Variants in FOXJ2 observed in about 807,000 individuals in gnomAD.
FOXJ2 encodes the protein forkhead box protein J2.
A neutral mutation model predicts 68.4 loss-of-function variants in FOXJ2; 18 were observed. The observed-to-expected ratio is 0.26, with a 90% confidence interval of 0.18 to 0.39. The LOEUF (loss-of-function observed/expected upper bound fraction) is 0.39. FOXJ2 is among the 10% of genes least tolerant of loss of function. FOXJ2 has a pLI of 1.00. For missense variants in FOXJ2, 670 were observed against 726.5 expected, an observed-to-expected ratio of 0.92 and a Z score of 0.89; for synonymous variants, 274 against 263.2, an observed-to-expected ratio of 1.04 and a Z score of -0.40.
chr12:8,044,655 A>G lies in FOXJ2; in HGVS notation c.619-105A>G, dbSNP rs1947009932. On this transcript the variant is annotated intron_variant, in intron 5 of 10. Coordinates refer to ENST00000162391, the MANE Select transcript of FOXJ2 (RefSeq NM_018416.3). The stretch of plus-strand genomic sequence containing the variant: ...AATGATGCTGGGTCATTGAAGAGCT[A>G]GGCGAGGATGAAGAGGACAGACAGG... 3 of 1,124,362 alleles carry G rather than the reference A, an allele frequency of 2.7e-6. No individual in the cohort carries two copies. In the East Asian group the frequency reaches 7.1e-5, roughly 26 times the overall value. 69.6% of individuals were successfully genotyped at this position (1,124,362 alleles called of 1,614,324 possible).
At position 8,044,950 on chromosome 12, in the gene FOXJ2, C is replaced by G. The variant is rs140318415; in HGVS notation, c.809C>G (p.Ser270Cys). 7.4e-5 allele frequency: 120 copies of G among 1,614,096 alleles called. No homozygotes were observed. The highest frequency in any genetic ancestry group is 9.7e-5 in the Non-Finnish European group (115 of 1,180,026). The change falls in exon 6 of 11, where the codon TCT becomes TGT. Residue 270 changes from serine (S) to cysteine (C), a missense_variant. This residue lies in a region of FOXJ2 where 555 missense variants were observed against 562.2 expected (regional missense o/e 0.99). Coordinates refer to ENST00000162391, the MANE Select transcript of FOXJ2 (RefSeq NM_018416.3). The part of the protein sequence containing the change: ...KSMLEKSSSS[S>C]QHGFSSLLGD... The stretch of plus-strand genomic sequence containing the variant: ...ATGCTGGAGAAGTCCTCTTCCTCCT[C>G]TCAGCACGGTGAGTCTGGAGTTGGG...
In FOXJ2 at chr12:8,048,778, T is replaced by C. The variant is rs1947075664; in HGVS notation, c.1307T>C (p.Ile436Thr). 5.0e-6 allele frequency: 8 copies of C among 1,613,942 alleles called. No homozygotes were observed. Among genetic ancestry groups the C allele is most frequent in the Non-Finnish European group, 5.9e-6 (7 of 1,180,020 alleles). The change falls in exon 8 of 11, where the codon ATT (isoleucine) becomes ACT (threonine). Residue 436 changes from isoleucine to threonine, a missense_variant. Coordinates refer to ENST00000162391, the MANE Select transcript of FOXJ2 (RefSeq NM_018416.3). The stretch of plus-strand genomic sequence containing the variant: ...GTGAATCGGCTCAATTGGTCCAGCA[T>C]TGAGCAGTCACAATTCTCAGGTTAG... ...KMVNRLNWSS[I>T]EQSQFSELME...
intron 1 of FOXJ2, among the ~76,000 whole-genome samples, chr12:8,039,269 A>T (rs940702994): frequency 6.6e-6 from 1 of 151,958 alleles, no homozygotes; most frequent in Non-Finnish European, 1.5e-5. Context: ...GTGTGGGATA[A>T]AAAGGGCAAG....
Position 8,044,962 on chromosome 12 carries a change from A to G in FOXJ2, c.817+4A>G, listed in dbSNP as rs1448768745. Reference sequence around the variant, plus strand: ...TCCTCTTCCTCCTCTCAGCACGGTGAGTCTGGAGTTGGGATGGGTGCAGGG... The same window carrying G: ...TCCTCTTCCTCCTCTCAGCACGGTGGGTCTGGAGTTGGGATGGGTGCAGGG... On this transcript the variant is annotated splice_donor_region_variant and intron_variant, in intron 6 of 10. Coordinates refer to ENST00000162391, the MANE Select transcript of FOXJ2 (RefSeq NM_018416.3). The G allele has an allele frequency of 1.2e-6, 2 of 1,614,024 alleles. No homozygotes were observed. The highest frequency in any genetic ancestry group is 1.7e-6 in the Non-Finnish European group (2 of 1,179,986).
At position 8,039,758 on chromosome 12, in the gene FOXJ2, CA is replaced by C. The variant is rs1439247646; in HGVS notation, c.-14-57del. 1.5e-5 allele frequency: 21 copies of C among 1,393,402 alleles called. 1 individual carries two copies. The highest frequency in any genetic ancestry group is 1.8e-4 in the Middle Eastern group (1 of 5,416). 86.3% of individuals were successfully genotyped at this position (1,393,402 alleles called of 1,614,324 possible). ...AGGAAGAAACTCTACTTCCCTCAAA[CA>C]AAAGGATTTGAGTATTACTTGCCCC... On this transcript the variant is annotated intron_variant, in intron 1 of 10. Transcript: ENST00000162391.
At chr12:8,051,776 A>G (rs746881968) in intron 10 of FOXJ2, among the ~76,000 whole-genome samples, 5 of 152,300 alleles carry the variant, frequency 3.3e-5, no homozygotes, top group African/African-American at 7.2e-5. Context: ...CGTGTTTTCA[A>G]TTTTGGGGGT....
Position 8,044,055 on chromosome 12 carries a change from A to G in FOXJ2, c.582A>G (p.Ser194=). 1 of 1,573,046 alleles carries G rather than the reference A, an allele frequency of 6.4e-7. No individual in the cohort carries two copies. The highest frequency in any genetic ancestry group is 1.2e-5 in the South Asian group (1 of 84,442). ...SLPPEGNPQM[S]LQSPTSIASY... Reference sequence around the variant, plus strand: ...CTCCTGAGGGGAATCCGCAGATGTCACTTCAGAGCCCCACATCTATAGCCA... The same window carrying G: ...CTCCTGAGGGGAATCCGCAGATGTCGCTTCAGAGCCCCACATCTATAGCCA... Residue 194 remains serine, a synonymous_variant, in exon 5 of 11, where the codon TCA becomes TCG. Transcript: ENST00000162391.
chr12:8,052,160 G>A (rs905614097), intron 10 of FOXJ2, among the ~76,000 whole-genome samples: 3 of 151,950 alleles, frequency 2.0e-5, no homozygotes, highest in South Asian at 2.1e-4. Context: ...GAGCCACCAC[G>A]CCCAGCCATA....
chr12:8,043,229 A>G (rs1946988758), intron 3 of FOXJ2, among the ~76,000 whole-genome samples: 1 of 151,736 alleles, frequency 6.6e-6, no homozygotes. Flanking sequence ...AAAAAAAAAA[A>G]AAAAAAAAAG....
chr12:8,035,929 A>T lies in FOXJ2; in HGVS notation c.-15+2096A>T, dbSNP rs761905829. Among the ~76,000 whole-genome samples the T allele has an allele frequency of 1.5e-4, 23 of 152,200 alleles. No individual in the cohort carries two copies. The highest frequency in any genetic ancestry group is 3.1e-4 in the Non-Finnish European group (21 of 68,048). On this transcript the variant is annotated intron_variant, in intron 1 of 10. Transcript: ENST00000162391. This position sits in a 1 kb window ranked among gnomAD's most constrained non-coding sequence, Gnocchi z 4.0. ...TCTAAAGGAAAAGTTTGAGATTCTG[A>T]CATCCTGAAAACCATTGCAGATGCA...
chr12:8,043,217 CA>C (rs11423157), intron 3 of FOXJ2, among the ~76,000 whole-genome samples: 3,144 of 58,004 alleles, frequency 0.054, 67 homozygotes, highest in African/African-American at 0.18. Flanking sequence ...AACTCCATCT[CA>C]AAAAAAAAAA....
chr12:8,043,899 G>A (rs1591578017), intron 4 of FOXJ2, 52 bp from the exon 5 acceptor site: 1 of 1,571,584 alleles, frequency 6.4e-7, no homozygotes, highest in South Asian at 1.2e-5. Flanking sequence ...CATGGGTCTT[G>A]GGAGGATATT....
intron 1 of FOXJ2, among the ~76,000 whole-genome samples, chr12:8,037,878 T>C (rs1406908937): frequency 6.6e-6 from 1 of 152,122 alleles, no homozygotes; most frequent in Non-Finnish European, 1.5e-5. Flanking sequence ...TATTGGAAGG[T>C]GTGAGGTTCC....
rs1350051012 is a variant in FOXJ2, at chr12:8,052,771, T to C, written c.1646T>C (p.Met549Thr). The part of the protein sequence containing the change: ...SAGYNRPAHH[M>T]VPRPSVPPPG... ...TCTTTCTTTCTAACAGCACACCATA[T>C]GGTCCCTCGGCCATCAGTGCCACCT... Residue 549 changes from methionine to threonine, a missense_variant, in exon 11 of 11, where the codon ATG (methionine) becomes ACG (threonine). By Grantham distance (81) the Met-to-Thr change is moderately conservative (BLOSUM62 -1). Coordinates refer to ENST00000162391, the MANE Select transcript of FOXJ2 (RefSeq NM_018416.3). 2 of 1,609,408 alleles carry C rather than the reference T, an allele frequency of 1.2e-6. No homozygotes were observed. Among genetic ancestry groups the C allele is most frequent in the African/African-American group, 2.7e-5 (2 of 74,852 alleles).
In FOXJ2 at chr12:8,039,952, C is replaced by A. The variant is rs149967567; in HGVS notation, c.120C>A (p.Arg40=). 842 of 1,614,082 alleles carry A rather than the reference C, an allele frequency of 5.2e-4. 3 individuals are homozygous for A. The African/African-American group carries it at 9.3e-3, about 18-fold the overall frequency. The change falls in exon 2 of 11, where the codon CGC becomes CGA. Residue 40 remains arginine, a synonymous_variant. Transcript: ENST00000162391. The stretch of plus-strand genomic sequence containing the variant: ...AGGCTGGGCCTCCCGGGAGCAGCCG[C>A]AAGTGTTCACCAGGGTCACCCACAG... ...ASQAGPPGSS[R]KCSPGSPTDP... is the part of the protein sequence containing the mutation.
intron 10 of FOXJ2, among the ~76,000 whole-genome samples, chr12:8,051,104 C>CCCCTT (rs1222389383): frequency 2.7e-5 from 2 of 74,606 alleles, no homozygotes; most frequent in Non-Finnish European, 6.1e-5. Flanking sequence ...CCTTCCCCTT[C>CCCCTT]CCCTTCCCTT....
At chr12:8,036,230 A>G (rs1449019871) in intron 1 of FOXJ2, among the ~76,000 whole-genome samples, 1 of 152,220 alleles carries the variant, frequency 6.6e-6, no homozygotes, top group Non-Finnish European at 1.5e-5. Flanking sequence ...AGCATTCTGT[A>G]TGGGGCAGGA....
chr12:8,041,153 A>G (rs1177309414), intron 2 of FOXJ2, among the ~76,000 whole-genome samples: 1 of 151,794 alleles, frequency 6.6e-6, no homozygotes, highest in Non-Finnish European at 1.5e-5. Context: ...CATACAAACC[A>G]TGTAGTGAGT....
rs1298136460 is a variant in FOXJ2 at position 8,038,086 on chromosome 12, G to A, written c.-14-1733G>A. Among the ~76,000 whole-genome samples the A allele has an allele frequency of 6.6e-6, 1 of 152,184 alleles. No homozygotes were observed. The highest frequency in any genetic ancestry group is 2.4e-5 in the African/African-American group (1 of 41,422). Reference sequence around the variant, plus strand: ...TTCTTGGGTTAGAGTTGCGTCTCTTGCTGCCCCCGCCCCTGAGGCACTAAG... The same window carrying A: ...TTCTTGGGTTAGAGTTGCGTCTCTTACTGCCCCCGCCCCTGAGGCACTAAG... On this transcript the variant is annotated intron_variant, in intron 1 of 10. Coordinates refer to ENST00000162391, the MANE Select transcript of FOXJ2 (RefSeq NM_018416.3). This position sits in a 1 kb window ranked among gnomAD's most constrained non-coding sequence, Gnocchi z 5.3.
Sources: allele counts gnomAD v4.1 joint callset (sites outside exome capture counted in the v4.1 genomes callset), GRCh38; gene constraint gnomAD v4.1.1; regional missense constraint gnomAD v4.1.1; non-coding constraint Gnocchi (gnomAD v3.1); transcripts MANE v1.5; gene names NCBI Gene and HGNC (gene_info 2026-07-23, HGNC 2026-07-21).